DNM1: variants seen among roughly 807,000 people sequenced by gnomAD.
The protein encoded by DNM1 is dynamin 1.
In DNM1, 29 loss-of-function variants were observed where a neutral mutation model predicts 104.6. That is an observed-to-expected ratio of 0.28 (90% CI 0.21 to 0.38). The LOEUF (loss-of-function observed/expected upper bound fraction) is 0.38, where lower values mean the gene tolerates loss of function less well. Ranked by LOEUF, DNM1 falls within the 10% of genes least tolerant of loss-of-function variation. DNM1 has a pLI of 1.00. For synonymous variants in DNM1, 445 were observed against 475.8 expected (o/e 0.94, Z 0.84); for missense variants, 640 against 1,189.4 (o/e 0.54, Z 6.79).
rs1564354566 is a variant in DNM1, at chr9:128,250,256, AGCATCAT to A, written c.2219_2225del (p.Ser740ThrfsTer146). Reference sequence around the variant, plus strand: ...GTACCACGCACTGAAGGAGGCGCTCAGCATCATCGGCGACATCAACACGACCACCGTC... The same window carrying A: ...GTACCACGCACTGAAGGAGGCGCTCACGGCGACATCAACACGACCACCGTC... On this transcript the variant is annotated frameshift_variant, in exon 20 of 22. Coordinates refer to ENST00000372923, the MANE Select transcript of DNM1 (RefSeq NM_004408.4). LOFTEE classifies it high-confidence loss of function. The A allele has an allele frequency of 6.2e-7, 1 of 1,613,956 alleles. No individual in the cohort carries two copies.
intron 19 of DNM1, among the ~76,000 whole-genome samples, chr9:128,249,205 A>G (rs1486932393): frequency 4.1e-5 from 6 of 144,936 alleles, no homozygotes; most frequent in South Asian, 2.2e-4. Context: ...AAAAAAAAAA[A>G]AAGAAGAAGA....
chr9:128,237,242 C>T (rs746358612), intron 11 of DNM1, among the ~76,000 whole-genome samples: 1 of 150,462 alleles, frequency 6.6e-6, no homozygotes, highest in African/African-American at 2.5e-5. Context: ...CTTCCCAGGC[C>T]GGAACCTGGA....
At chr9:128,250,034 A>C in intron 19 of DNM1, 81 bp from the exon 20 acceptor site, 2 of 1,603,974 alleles carry the variant, frequency 1.2e-6, no homozygotes, top group Non-Finnish European at 1.7e-6. Flanking sequence ...ACCAGCTCAC[A>C]GTCCCAGCAG....
At position 128,219,231 on chromosome 9, in the gene DNM1, G is replaced by T; in HGVS notation, c.568G>T (p.Ala190Ser). ...GGCCAATTCTGACGCCCTCAAGGTCGCCAAGGAGGTGGACCCCCAGGGTAG... is the reference window on the plus strand; with the variant it reads ...GGCCAATTCTGACGCCCTCAAGGTCTCCAAGGAGGTGGACCCCCAGGGTAG... ...DLANSDALKVAKEVDPQGQRT... is the reference protein window; with the variant it reads ...DLANSDALKVSKEVDPQGQRT... Residue 190 changes from alanine to serine, a missense_variant, in exon 4 of 22, where the codon GCC (alanine) becomes TCC (serine). By Grantham distance (99) the Ala-to-Ser change is moderately conservative. Transcript: ENST00000372923. 2 of 1,614,126 alleles carry T rather than the reference G, an allele frequency of 1.2e-6. No homozygotes were observed. Among genetic ancestry groups the T allele is most frequent in the South Asian group, 1.1e-5 (1 of 91,088 alleles).
At position 128,240,042 on chromosome 9, in the gene DNM1, G is replaced by C; in HGVS notation, c.1557+46G>C. On this transcript the variant is annotated intron_variant, in intron 14 of 21. Transcript: ENST00000372923. The surrounding 1 kb of genome is among the most constrained non-coding windows in gnomAD (Gnocchi z 5.1). ...TCTCGGCTTGTGTAGTGAGGGGGCGGAGGGTCCATCGGCAGTGGGGATCTG... is the reference window on the plus strand; with the variant it reads ...TCTCGGCTTGTGTAGTGAGGGGGCGCAGGGTCCATCGGCAGTGGGGATCTG... 2 of 1,612,178 alleles carry C rather than the reference G, an allele frequency of 1.2e-6. No individual in the cohort carries two copies. Among genetic ancestry groups the C allele is most frequent in the Non-Finnish European group, 1.7e-6 (2 of 1,178,358 alleles).
chr9:128,209,320 C>T (rs554803306), intron 1 of DNM1, among the ~76,000 whole-genome samples: 7 of 152,174 alleles, frequency 4.6e-5, no homozygotes, highest in Non-Finnish European at 8.8e-5. Context: ...CTGATCTCGG[C>T]GCCAGGAGAA....
chr9:128,204,641 A>G (rs1048760380), intron 1 of DNM1, among the ~76,000 whole-genome samples: 22 of 152,040 alleles, frequency 1.4e-4, no homozygotes, highest in African/African-American at 4.6e-4. Flanking sequence ...GAGAAGAAAG[A>G]TAGGAGCTCT....
intron 10 of DNM1, among the ~76,000 whole-genome samples, chr9:128,225,657 C>A (rs555867043): frequency 6.6e-6 from 1 of 152,274 alleles, no homozygotes; most frequent in Non-Finnish European, 1.5e-5. Flanking sequence ...ACAAAGACGG[C>A]ACTGGGAGAG....
intron 1 of DNM1, among the ~76,000 whole-genome samples, chr9:128,206,679 A>G (rs1488521135): frequency 6.6e-6 from 1 of 152,126 alleles, no homozygotes; most frequent in Non-Finnish European, 1.5e-5. Flanking sequence ...GCCCCGGGGT[A>G]GCAAAGAATT....
At chr9:128,236,749 G>A (rs1377410098) in intron 11 of DNM1, among the ~76,000 whole-genome samples, 1 of 152,196 alleles carries the variant, frequency 6.6e-6, no homozygotes. Context: ...CTACATGGGA[G>A]GCTGAGGTGG....
chr9:128,223,111 C>T (rs900088008), intron 9 of DNM1: 6 of 512,286 alleles, frequency 1.2e-5, no homozygotes, highest in African/African-American at 9.7e-5. Context: ...CGGGGAAACA[C>T]CCTCTGGGGC....
Position 128,224,713 on chromosome 9 carries a change from G to A in DNM1, c.1335+324G>A, listed in dbSNP as rs1835240137. Among the ~76,000 whole-genome samples the A allele has an allele frequency of 6.6e-6, 1 of 150,910 alleles. No individual in the cohort carries two copies. The highest frequency in any genetic ancestry group is 2.0e-4 in the East Asian group (1 of 5,020). On this transcript the variant is annotated intron_variant, in intron 10 of 21. Coordinates refer to ENST00000372923, the MANE Select transcript of DNM1 (RefSeq NM_004408.4). This position sits in a 1 kb window ranked among gnomAD's most constrained non-coding sequence, Gnocchi z 4.3. Reference sequence around the variant, plus strand: ...ACCCTGAGCCCCCTCCCTGTCCTCGGAGGTGTCATCTTTGGGAGCTCCAGG... The same window carrying A: ...ACCCTGAGCCCCCTCCCTGTCCTCGAAGGTGTCATCTTTGGGAGCTCCAGG...
At position 128,253,211 on chromosome 9, in the gene DNM1, C is replaced by A; in HGVS notation, c.2535-1443C>A. On this transcript the variant is annotated intron_variant, in intron 21 of 21. Coordinates refer to ENST00000372923, the MANE Select transcript of DNM1 (RefSeq NM_004408.4). This position sits in a 1 kb window ranked among gnomAD's most constrained non-coding sequence, Gnocchi z 5.9. ...CTGCACTAGCTCCACACGGGGCGCG[C>A]ACCTGGGACCTCAGAGCCAGGCTCC... 6.9e-7 allele frequency: 1 copy of A among 1,439,864 alleles called. No homozygotes were observed. The highest frequency in any genetic ancestry group is 9.6e-7 in the Non-Finnish European group (1 of 1,041,558). 89.2% of individuals were successfully genotyped at this position (1,439,864 alleles called of 1,614,324 possible).
intron 13 of DNM1, 39 bp from the exon 14 acceptor site, chr9:128,239,946 C>A (rs1836261655): frequency 6.2e-7 from 1 of 1,613,626 alleles, no homozygotes; most frequent in Non-Finnish European, 8.5e-7. Flanking sequence ...TCCTCTCTCC[C>A]CGATGCCTCT....
intron 11 of DNM1, among the ~76,000 whole-genome samples, chr9:128,234,563 A>G (rs1419788843): frequency 6.6e-6 from 1 of 152,154 alleles, no homozygotes; most frequent in East Asian, 1.9e-4. Flanking sequence ...TAGTACAGAC[A>G]GGGTTTCACC....
chr9:128,242,381 C>G (rs376659567), intron 15 of DNM1, 36 bp downstream of exon 15: 1 of 1,234,778 alleles, frequency 8.1e-7, no homozygotes, highest in Non-Finnish European at 1.2e-6. Flanking sequence ...AGGGGCTGGG[C>G]TGGTGGACAG....
chr9:128,223,081 C>T, intron 9 of DNM1: 1 of 559,956 alleles, frequency 1.8e-6, no homozygotes, highest in Non-Finnish European at 3.2e-6. Context: ...CAACTGGGCA[C>T]AGCCCAGGGC....
At chr9:128,204,418 G>A (rs368852624) in intron 1 of DNM1, 5 of 152,316 alleles carry the variant, frequency 3.3e-5, no homozygotes, top group Admixed American at 2.0e-4. Context: ...AGATGACTAA[G>A]ACAGGGATGG....
rs762841745 is a variant in DNM1, at chr9:128,219,239, G to A, written c.576G>A (p.Glu192=). 1.9e-6 allele frequency: 3 copies of A among 1,614,138 alleles called. No individual in the cohort carries two copies. The South Asian group carries it at 3.3e-5, about 18-fold the overall frequency. ...ANSDALKVAK[E]VDPQGQRTIG... ...CTGACGCCCTCAAGGTCGCCAAGGAGGTGGACCCCCAGGGTAGGTTCCCAC... is the reference window on the plus strand; with the variant it reads ...CTGACGCCCTCAAGGTCGCCAAGGAAGTGGACCCCCAGGGTAGGTTCCCAC... Residue 192 remains glutamate (E), a synonymous_variant, in exon 4 of 22, where the codon GAG becomes GAA. Transcript: ENST00000372923.
Sources: gnomAD v4.1 joint callset for allele counts (sites outside exome capture counted in the v4.1 genomes callset) on GRCh38, gnomAD v4.1.1 for gene constraint, Gnocchi (gnomAD v3.1) non-coding constraint, MANE v1.5 for transcripts, NCBI Gene and HGNC (gene_info 2026-07-23, HGNC 2026-07-21) for gene names.